DTD1: variants seen among roughly 807,000 people sequenced by gnomAD.
DTD1 encodes D-tyrosyl-tRNA deacylase 1 homolog.
A neutral mutation model predicts 25.6 loss-of-function variants in DTD1; 13 were observed. That is an observed-to-expected ratio of 0.51 (90% CI 0.33 to 0.81). The LOEUF is 0.81. DTD1 is among the 30% of genes least tolerant of loss of function. The probability of loss-of-function intolerance (pLI) is 0.02; values close to 1 mark genes in which losing one functional copy is unlikely to be tolerated. For synonymous variants in DTD1, 110 were observed against 103.6 expected (o/e 1.06, Z -0.37); for missense variants, 193 against 266.4 (o/e 0.72, Z 1.92).
intron 4 of DTD1, among the ~76,000 whole-genome samples, chr20:18,720,284 C>G (rs2061196805): frequency 6.6e-6 from 1 of 152,132 alleles, no homozygotes; most frequent in African/African-American, 2.4e-5. Flanking sequence ...GTTAAGAGAA[C>G]ATTTCATACT....
chr20:18,617,720 T>G (rs992187995), intron 3 of DTD1, among the ~76,000 whole-genome samples: 1 of 151,342 alleles, frequency 6.6e-6, no homozygotes, highest in Non-Finnish European at 1.5e-5. Context: ...TTTCTATCCA[T>G]CTATCCATTT....
intron 3 of DTD1, among the ~76,000 whole-genome samples, chr20:18,603,796 G>C (rs1486036059): frequency 0.016 from 1,737 of 109,512 alleles, 68 homozygotes; most frequent in African/African-American, 0.058. Flanking sequence ...GAAATTTATA[G>C]CACTAAATGC....
At chr20:18,679,634 A>C (rs2060989095) in intron 4 of DTD1, among the ~76,000 whole-genome samples, 1 of 151,606 alleles carries the variant, frequency 6.6e-6, no homozygotes, top group African/African-American at 2.4e-5. Flanking sequence ...GGTAATTATC[A>C]CTGCTAGATG....
intron 4 of DTD1, among the ~76,000 whole-genome samples, chr20:18,635,921 G>C (rs960995365): frequency 3.9e-5 from 6 of 152,120 alleles, no homozygotes; most frequent in Non-Finnish European, 7.4e-5. Flanking sequence ...TCTTCTACTG[G>C]AATATGTCTG....
intron 4 of DTD1, among the ~76,000 whole-genome samples, chr20:18,662,578 C>T (rs757216096): frequency 5.9e-5 from 9 of 152,194 alleles, no homozygotes; most frequent in Non-Finnish European, 8.8e-5. Flanking sequence ...CTCAATACAG[C>T]GTTATCCAAA....
intron 5 of DTD1, among the ~76,000 whole-genome samples, chr20:18,762,115 G>A (rs976595707): frequency 3.9e-5 from 6 of 152,220 alleles, no homozygotes; most frequent in Non-Finnish European, 8.8e-5. Flanking sequence ...AGGGGAATGA[G>A]GGCTGTTAGT....
At chr20:18,606,036 A>G (rs2060655674) in intron 3 of DTD1, among the ~76,000 whole-genome samples, 2 of 143,728 alleles carry the variant, frequency 1.4e-5, no homozygotes, top group South Asian at 4.5e-4. Context: ...CATCTGACAA[A>G]GGGCTAATAT....
At position 18,628,766 on chromosome 20, in the gene DTD1, G is replaced by A. The variant is rs186203654; in HGVS notation, c.477+533G>A. Among the ~76,000 whole-genome samples the A allele has an allele frequency of 7.2e-4, 109 of 152,292 alleles. 1 individual carries two copies. The highest frequency in any genetic ancestry group is 6.8e-3 in the Middle Eastern group (2 of 294). On this transcript the variant is annotated intron_variant, in intron 4 of 5. Transcript: ENST00000377452. ...ATGTGTAATAGTCCTTGGAACCCGC[G>A]TGGTCTCATAGATGCTTAGCATACT...
intron 1 of DTD1, chr20:18,588,666 G>T (rs2060576195): frequency 2.1e-6 from 2 of 939,694 alleles, no homozygotes; most frequent in Non-Finnish European, 2.5e-6. Context: ...GCCTAGGCTG[G>T]ATGAGGGGCG....
At chr20:18,618,889 T>G (rs1481794359) in intron 3 of DTD1, among the ~76,000 whole-genome samples, 1 of 152,058 alleles carries the variant, frequency 6.6e-6, no homozygotes, top group Non-Finnish European at 1.5e-5. Flanking sequence ...ATTTTTGTAT[T>G]TTTAGTAGAG....
At chr20:18,671,764 T>G (rs1382023064) in intron 4 of DTD1, among the ~76,000 whole-genome samples, 3 of 152,146 alleles carry the variant, frequency 2.0e-5, no homozygotes, top group Admixed American at 2.0e-4. Flanking sequence ...GCCCCCTTGG[T>G]CCTCACCAGA....
chr20:18,757,387 A>G (rs955543790), intron 5 of DTD1, among the ~76,000 whole-genome samples: 1 of 152,198 alleles, frequency 6.6e-6, no homozygotes, highest in African/African-American at 2.4e-5. Flanking sequence ...TTGCCCATTC[A>G]GTATGATATT....
chr20:18,629,293 G>A (rs913286868), intron 4 of DTD1, among the ~76,000 whole-genome samples: 6 of 101,842 alleles, frequency 5.9e-5, no homozygotes, highest in African/African-American at 1.3e-4. Flanking sequence ...CACTGTGCTC[G>A]GCCTTTTTTT....
intron 4 of DTD1, among the ~76,000 whole-genome samples, chr20:18,703,244 A>G (rs1300953287): frequency 6.6e-6 from 1 of 152,108 alleles, no homozygotes; most frequent in Non-Finnish European, 1.5e-5. Flanking sequence ...TGGTGTTTCT[A>G]TGAGGACTAT....
intron 4 of DTD1, among the ~76,000 whole-genome samples, chr20:18,713,410 T>C (rs560539302): frequency 6.6e-5 from 10 of 152,360 alleles, no homozygotes; most frequent in Admixed American, 1.3e-4. Context: ...TCCAGTTTGA[T>C]TGGATGAGCA....
intron 4 of DTD1, chr20:18,630,602 T>G (rs1454957548): frequency 6.6e-6 from 1 of 150,622 alleles, no homozygotes; most frequent in Non-Finnish European, 1.5e-5. Flanking sequence ...GCCCTGGTGA[T>G]CCACCCGCCT....
chr20:18,751,561 C>G (rs1323381933), intron 5 of DTD1, among the ~76,000 whole-genome samples: 1 of 151,974 alleles, frequency 6.6e-6, no homozygotes, highest in Non-Finnish European at 1.5e-5. Context: ...GGTGCAATCC[C>G]TGCTCACTGC....
At chr20:18,590,069 G>A (rs573260202) in intron 1 of DTD1, among the ~76,000 whole-genome samples, 1 of 152,320 alleles carries the variant, frequency 6.6e-6, no homozygotes, top group Admixed American at 6.5e-5. Context: ...GTTCTAAAAT[G>A]TTAACTTCCT....
chr20:18,654,902 C>T (rs2060886366), intron 4 of DTD1, among the ~76,000 whole-genome samples: 1 of 152,080 alleles, frequency 6.6e-6, no homozygotes, highest in Admixed American at 6.5e-5. Flanking sequence ...AACCCTTTGT[C>T]TTTAAAAGCA....
Sources: allele counts gnomAD v4.1 joint callset (sites outside exome capture counted in the v4.1 genomes callset), GRCh38; gene constraint gnomAD v4.1.1; transcripts MANE v1.5; gene names NCBI Gene and HGNC (gene_info 2026-07-23, HGNC 2026-07-21).